YPEL4: variants seen among roughly 807,000 people sequenced by gnomAD.
YPEL4 encodes the protein yippee like 4.
YPEL4 carries 5 observed loss-of-function variants against 16.3 expected under a neutral mutation model. That is an observed-to-expected ratio of 0.31 (90% CI 0.16 to 0.64). The LOEUF is 0.64. YPEL4 is among the 30% of genes least tolerant of loss of function. The probability of loss-of-function intolerance (pLI) is 0.79; values close to 1 mark genes in which losing one functional copy is unlikely to be tolerated. For missense variants in YPEL4, 127 were observed against 170.0 expected (o/e 0.75, Z 1.41); for synonymous variants, 61 against 60.7 (o/e 1.00, Z -0.02).
chr11:57,646,660 C>T, intron 3 of YPEL4, 91 bp downstream of exon 3: 2 of 1,553,522 alleles, frequency 1.3e-6, no homozygotes, highest in Non-Finnish European at 1.8e-6. Flanking sequence ...GGCACAAGAT[C>T]ACCTGATGGA....
intron 1 of YPEL4, chr11:57,648,527 C>G (rs1945757528): frequency 6.6e-6 from 1 of 152,302 alleles, no homozygotes; most frequent in Admixed American, 6.5e-5. Flanking sequence ...GAGATGCCAG[C>G]TGGGCACTCT....
At chr11:57,646,880 A>G in intron 2 of YPEL4, 86 bp from the exon 3 acceptor site, 1 of 1,593,698 alleles carries the variant, frequency 6.3e-7, no homozygotes, top group Non-Finnish European at 8.6e-7. Context: ...AGGAGAGAGG[A>G]AGAGCTTTGC....
chr11:57,646,008 G>T lies in YPEL4; in HGVS notation c.357C>A (p.His119Gln). The change falls in exon 5 of 5, where the codon CAC becomes CAA. Residue 119 changes from histidine (H) to glutamine (Q), a missense_variant. By Grantham distance (24) the His-to-Gln change is conservative. Transcript: ENST00000300022. ...KEGKYIIEMS[H>Q]MVKDNGWD is the part of the protein sequence containing the mutation. The stretch of plus-strand genomic sequence containing the variant: ...AGTCCCAGCCGTTGTCCTTCACCAT[G>T]TGTGACATTTCAATGATGTATTTCC... 1 of 1,614,166 alleles carries T rather than the reference G, an allele frequency of 6.2e-7. No homozygotes were observed. Among genetic ancestry groups the T allele is most frequent in the Non-Finnish European group, 8.5e-7 (1 of 1,180,028 alleles).
rs1945738051 is a variant in YPEL4, at chr11:57,646,976, A to G, written c.132T>C (p.Leu44=). 1.9e-6 allele frequency: 3 copies of G among 1,579,952 alleles called. No individual in the cohort carries two copies. Among genetic ancestry groups the G allele is most frequent in the African/African-American group, 1.3e-5 (1 of 74,176 alleles). ...CRAHLAKHDE[L]ISKSFQGSHG... ...TCCCCGCTTCGCGTACCTTGGAAATAAGCTCATCGTGTTTGGCCAGGTGTG... is the reference window on the plus strand; with the variant it reads ...TCCCCGCTTCGCGTACCTTGGAAATGAGCTCATCGTGTTTGGCCAGGTGTG... Residue 44 remains leucine (L), a synonymous_variant, in exon 2 of 5, where the codon CTT becomes CTC. Coordinates refer to ENST00000300022, the MANE Select transcript of YPEL4 (RefSeq NM_145008.3).
chr11:57,645,360 T>A lies in YPEL4; in HGVS notation c.*621A>T, dbSNP rs1945718520. 1.3e-5 allele frequency: 2 copies of A among 152,978 alleles called. No homozygotes were observed. The highest frequency in any genetic ancestry group is 1.5e-5 in the Non-Finnish European group (1 of 68,358). The allele number at this position is 152,978 out of a possible 1,614,324, so 9.5% of individuals were successfully genotyped here. On this transcript the variant is annotated 3_prime_UTR_variant, in exon 5 of 5. Coordinates refer to ENST00000300022, the MANE Select transcript of YPEL4 (RefSeq NM_145008.3). ...CAAAAGTTAGATACTCGAAAGTGCC[T>A]CTTCAGTGCCAAGATAAACTAACAA...
chr11:57,645,951 C>G lies in YPEL4; in HGVS notation c.*30G>C. 1 of 1,606,506 alleles carries G rather than the reference C, an allele frequency of 6.2e-7. No individual in the cohort carries two copies. The highest frequency in any genetic ancestry group is 8.5e-7 in the Non-Finnish European group (1 of 1,174,888). On this transcript the variant is annotated 3_prime_UTR_variant, in exon 5 of 5. Transcript: ENST00000300022. ...AGGGCCGTGGGGAGGGAGGGGCATG[C>G]GGAGGAAGGGCACACCCTGCCTGAG...
chr11:57,646,865 T>G, intron 2 of YPEL4, 71 bp from the exon 3 acceptor site: 1 of 1,602,094 alleles, frequency 6.2e-7, no homozygotes, highest in Non-Finnish European at 8.5e-7. Context: ...CCCGCAGGGG[T>G]GTGTAGGAGA....
At chr11:57,646,871 GGA>G (rs2135348186) in intron 2 of YPEL4, 77 bp from the exon 3 acceptor site, 1 of 1,599,606 alleles carries the variant, frequency 6.3e-7, no homozygotes, top group Non-Finnish European at 8.5e-7. Flanking sequence ...GGGGTGTGTA[GGA>G]GAGAGGAAGA....
rs892228727 is a variant in YPEL4 at position 57,646,354 on chromosome 11, G to A, written c.237C>T (p.Leu79=). The A allele has an allele frequency of 4.3e-6, 7 of 1,614,006 alleles. No individual in the cohort carries two copies. The Middle Eastern group carries it at 4.9e-4, about 114-fold the overall frequency. ...PAEQRLLLTG[L]HSVADIFCES... ...CACAGAAAATGTCAGCTACCGAGTG[G>A]AGCCCCGTGAGCAAGAGGCGCTGTT... The change falls in exon 4 of 5, where the codon CTC becomes CTT. Residue 79 remains leucine (L), a synonymous_variant. Coordinates refer to ENST00000300022, the MANE Select transcript of YPEL4 (RefSeq NM_145008.3).
At chr11:57,648,467 T>C (rs1390513186) in intron 1 of YPEL4, 1 of 152,274 alleles carries the variant, frequency 6.6e-6, no homozygotes, top group Non-Finnish European at 1.5e-5. Flanking sequence ...TGCTTTCTCC[T>C]TCATAGGGCT....
intron 1 of YPEL4, chr11:57,648,754 G>A (rs1945759338): frequency 6.6e-6 from 1 of 152,500 alleles, no homozygotes; most frequent in South Asian, 2.1e-4. Flanking sequence ...AGACACCTTG[G>A]GCTGAGTTCA....
rs1286367950 is a variant in YPEL4, at chr11:57,645,271, C to G, written c.*710G>C. 1 of 152,652 alleles carries G rather than the reference C, an allele frequency of 6.6e-6. No homozygotes were observed. The highest frequency in any genetic ancestry group is 1.5e-5 in the Non-Finnish European group (1 of 68,116). The allele number at this position is 152,652 out of a possible 1,614,324, so 9.5% of individuals were successfully genotyped here. On this transcript the variant is annotated 3_prime_UTR_variant, in exon 5 of 5. Transcript: ENST00000300022. ...CCTCAGAGAAAGCCCATAAAGACTGCTTACTCTGGAAGCAGCCGACTAGGG... is the reference window on the plus strand; with the variant it reads ...CCTCAGAGAAAGCCCATAAAGACTGGTTACTCTGGAAGCAGCCGACTAGGG...
chr11:57,646,167 G>T, intron 4 of YPEL4, 97 bp from the exon 5 acceptor site: 1 of 1,561,212 alleles, frequency 6.4e-7, no homozygotes. Flanking sequence ...CATCCACCTA[G>T]CCCAACCCAG....
Position 57,646,366 on chromosome 11 carries a change from C to G in YPEL4, c.225G>C (p.Leu75Phe), listed in dbSNP as rs776929186. The change falls in exon 4 of 5, where the codon TTG becomes TTC. Residue 75 changes from leucine to phenylalanine, a missense_variant. By Grantham distance (22) the Leu-to-Phe change is conservative (BLOSUM62 0). Coordinates refer to ENST00000300022, the MANE Select transcript of YPEL4 (RefSeq NM_145008.3). ...VGCGPAEQRL[L>F]LTGLHSVADI... ...CAGCTACCGAGTGGAGCCCCGTGAG[C>G]AAGAGGCGCTGTTCAGCTGGCCCGC... 6.2e-7 allele frequency: 1 copy of G among 1,614,152 alleles called. No individual in the cohort carries two copies. Among genetic ancestry groups the G allele is most frequent in the Non-Finnish European group, 8.5e-7 (1 of 1,180,026 alleles).
chr11:57,646,117 C>T, intron 4 of YPEL4, 47 bp from the exon 5 acceptor site: 2 of 1,608,372 alleles, frequency 1.2e-6, no homozygotes, highest in Non-Finnish European at 1.7e-6. Flanking sequence ...AGTTTCCTTC[C>T]AGGCCCCACT....
intron 1 of YPEL4, chr11:57,648,895 C>G (rs1945760929): frequency 6.6e-6 from 1 of 152,230 alleles, no homozygotes; most frequent in South Asian, 2.1e-4. Context: ...CCTTGAAACA[C>G]CTTCTTCAAG....
chr11:57,646,188 T>C lies in YPEL4; in HGVS notation c.294+109A>G, dbSNP rs930035431. 4 of 1,524,950 alleles carry C rather than the reference T, an allele frequency of 2.6e-6. No individual in the cohort carries two copies. In the African/African-American group the frequency reaches 4.1e-5, roughly 16 times the overall value. The allele number at this position is 1,524,950 out of a possible 1,614,324, so 94.5% of individuals were successfully genotyped here. On this transcript the variant is annotated intron_variant, in intron 4 of 4. Transcript: ENST00000300022. Reference sequence around the variant, plus strand: ...CCTAGCCCAACCCAGTGACTAGTTCTTTCTTTCCTCTTTGGACCATGCAAG... The same window carrying C: ...CCTAGCCCAACCCAGTGACTAGTTCCTTCTTTCCTCTTTGGACCATGCAAG...
intron 2 of YPEL4, 24 bp downstream of exon 2, chr11:57,646,943 A>T: frequency 6.4e-7 from 1 of 1,570,300 alleles, no homozygotes; most frequent in East Asian, 2.3e-5. Context: ...GAGGAGGGGA[A>T]TGGCAGGTCC....
chr11:57,647,372 G>C lies in YPEL4; in HGVS notation c.-184-81C>G, dbSNP rs1218518231. The C allele has an allele frequency of 7.6e-6, 3 of 396,386 alleles. No homozygotes were observed. The highest frequency in any genetic ancestry group is 1.3e-5 in the Non-Finnish European group (3 of 222,712). 24.6% of individuals were successfully genotyped at this position (396,386 alleles called of 1,614,324 possible). ...GAGGGAATGGAGGAAAAGGGAATCA[G>C]CTCACCCATACCTCTACTTTCCCCA... On this transcript the variant is annotated intron_variant, in intron 1 of 4. Transcript: ENST00000300022. The surrounding 1 kb of genome is among the most constrained non-coding windows in gnomAD (Gnocchi z 4.2).
Sources: allele counts gnomAD v4.1 joint callset, GRCh38; gene constraint gnomAD v4.1.1; non-coding constraint Gnocchi (gnomAD v3.1); transcripts MANE v1.5; gene names NCBI Gene and HGNC (gene_info 2026-07-23, HGNC 2026-07-21).